The following PDE4DIP variants were observed in gnomAD, a reference collection of about 807,000 sequenced individuals.
PDE4DIP encodes the protein phosphodiesterase 4D interacting protein.
Under a neutral mutation model 221.4 loss-of-function variants are expected in PDE4DIP, and 59 were observed. The ratio of observed to expected loss-of-function variants is 0.27; its 90% CI spans 0.22 to 0.33. PDE4DIP has a LOEUF of 0.33. PDE4DIP is among the 10% of genes least tolerant of loss of function. PDE4DIP has a pLI of 1.00. For synonymous variants in PDE4DIP, 404 were observed against 815.9 expected (o/e 0.50, Z 8.60); for missense variants, 1,036 against 2,154.2 (o/e 0.48, Z 10.28).
At chr1:149,000,354 A>G (rs1575125810) in intron 23 of PDE4DIP, among the ~76,000 whole-genome samples, 1 of 152,308 alleles carries the variant, frequency 6.6e-6, no homozygotes, top group Non-Finnish European at 1.5e-5. Flanking sequence ...CAGGAGTTCG[A>G]GACCAGCCTG....
chr1:149,013,396 C>T (rs1256866212), intron 32 of PDE4DIP, among the ~76,000 whole-genome samples: 1 of 108,962 alleles, frequency 9.2e-6, no homozygotes, highest in Non-Finnish European at 1.9e-5. Context: ...CATCCTCTGA[C>T]TCCCAAAGAT....
intron 1 of PDE4DIP, among the ~76,000 whole-genome samples, chr1:148,926,571 G>C (rs1553465926): frequency 6.9e-6 from 1 of 144,210 alleles, no homozygotes; most frequent in African/African-American, 2.5e-5. Context: ...ACCTGTGTTA[G>C]AAACACTGTC....
chr1:148,985,982 C>T (rs1177784726), intron 21 of PDE4DIP: 1 of 152,102 alleles, frequency 6.6e-6, no homozygotes. Context: ...CAATCTATAA[C>T]CTTTGTAGGC....
At chr1:149,010,469 G>T in exon 31 of PDE4DIP, 1 of 1,613,026 alleles carries the variant, frequency 6.2e-7, no homozygotes, top group African/African-American at 1.3e-5. Flanking sequence ...GAGTCATTCT[G>T]CTGTGTTGTC....
chr1:148,906,941 TG>T (rs1169044535), intron 1 of PDE4DIP, among the ~76,000 whole-genome samples: 1 of 150,314 alleles, frequency 6.7e-6, no homozygotes, highest in East Asian at 1.9e-4. Flanking sequence ...TCCAGCTACT[TG>T]GGAAGCTGAC....
chr1:148,933,022 C>G (rs2489086), intron 4 of PDE4DIP, among the ~76,000 whole-genome samples: 1 of 135,058 alleles, frequency 7.4e-6, no homozygotes, highest in Admixed American at 7.6e-5. Flanking sequence ...CTGTCAGTGA[C>G]TTGATCTAGG....
At chr1:148,964,000 C>T (rs144742140) in intron 9 of PDE4DIP, among the ~76,000 whole-genome samples, 2 of 151,522 alleles carry the variant, frequency 1.3e-5, no homozygotes, top group African/African-American at 2.4e-5. Flanking sequence ...CCTCGTGATC[C>T]GCCCGCCTCA....
chr1:148,963,487 G>A (rs1448168217), intron 9 of PDE4DIP, among the ~76,000 whole-genome samples: 7 of 151,746 alleles, frequency 4.6e-5, no homozygotes, highest in Admixed American at 3.3e-4. Flanking sequence ...TGAAGGGGAT[G>A]TATATATGGG....
exon 19 of PDE4DIP, chr1:148,978,307 A>AGAC (rs782010198): frequency 6.2e-7 from 1 of 1,611,746 alleles, no homozygotes; most frequent in Non-Finnish European, 8.5e-7. Flanking sequence ...TTGATCCTGA[A>AGAC]GACATACCAG....
Position 149,016,296 on chromosome 1 carries a change from C to G in PDE4DIP, c.5267-3C>G, listed in dbSNP as rs2070536281. ...CTTCTTACTAATGTTTCTTTCTGCCCAGGTGCCAGCACTGTTCCTCCTGCT... is the reference window on the plus strand; with the variant it reads ...CTTCTTACTAATGTTTCTTTCTGCCGAGGTGCCAGCACTGTTCCTCCTGCT... On this transcript the variant is annotated splice_polypyrimidine_tract_variant and splice_region_variant and intron_variant, in intron 32 of 43. Coordinates refer to ENST00000369354, the Ensembl canonical transcript of PDE4DIP. The G allele has an allele frequency of 6.2e-7, 1 of 1,613,732 alleles. No homozygotes were observed. Among genetic ancestry groups the G allele is most frequent in the African/African-American group, 1.3e-5 (1 of 74,886 alleles).
chr1:149,013,426 C>T (rs587615811), intron 32 of PDE4DIP, among the ~76,000 whole-genome samples: 47 of 98,426 alleles, frequency 4.8e-4, no homozygotes, highest in Non-Finnish European at 8.8e-4. Context: ...CATGTAGTTA[C>T]GTAGACTGTG....
chr1:148,938,732 A>G (rs2049849733), intron 5 of PDE4DIP, among the ~76,000 whole-genome samples: 1 of 151,342 alleles, frequency 6.6e-6, no homozygotes, highest in Non-Finnish European at 1.5e-5. Flanking sequence ...ACTAGTTGAA[A>G]TGGTGATTAC....
chr1:149,007,147 A>G, intron 27 of PDE4DIP, 54 bp from the exon 31 acceptor site: 1 of 620,074 alleles, frequency 1.6e-6, no homozygotes, highest in Non-Finnish European at 2.9e-6. Flanking sequence ...ATAACTCCAT[A>G]AGTTAGCTTC....
intron 5 of PDE4DIP, among the ~76,000 whole-genome samples, chr1:148,956,315 A>G (rs1454760376): frequency 1.3e-5 from 2 of 151,774 alleles, no homozygotes; most frequent in Non-Finnish European, 2.9e-5. Flanking sequence ...CACTTACCAT[A>G]TTTTATGCAC....
chr1:148,982,724 G>A (rs1448373460), intron 21 of PDE4DIP: 1 of 152,156 alleles, frequency 6.6e-6, no homozygotes, highest in Non-Finnish European at 1.5e-5. Context: ...CAGGGATTGA[G>A]GCTTTCTAGC....
At chr1:148,937,004 A>C (rs1253129167) in intron 4 of PDE4DIP, among the ~76,000 whole-genome samples, 1 of 152,252 alleles carries the variant, frequency 6.6e-6, no homozygotes, top group African/African-American at 2.4e-5. Context: ...TATAGTAAAT[A>C]CATAAACCAG....
chr1:148,861,736 T>C (rs1330052931), intron 1 of PDE4DIP, among the ~76,000 whole-genome samples: 1 of 90,962 alleles, frequency 1.1e-5, no homozygotes, highest in Non-Finnish European at 2.1e-5. Context: ...AAGCTACCTA[T>C]TGAAAGCATC....
intron 41 of PDE4DIP, 34 bp from the exon 45 acceptor site, chr1:149,029,753 G>T (rs782275941): frequency 1.8e-6 from 2 of 1,134,730 alleles, no homozygotes; most frequent in South Asian, 1.3e-5. Context: ...TAGGCCTTCT[G>T]CCTGGTCAGT....
At chr1:149,010,868 T>C (rs1481045830) in intron 31 of PDE4DIP, among the ~76,000 whole-genome samples, 1 of 149,012 alleles carries the variant, frequency 6.7e-6, no homozygotes, top group Non-Finnish European at 1.5e-5. Flanking sequence ...TTTTCTCTCA[T>C]TTTATCCTGG....
Sources: allele counts gnomAD v4.1 joint callset (sites outside exome capture counted in the v4.1 genomes callset), GRCh38; gene constraint gnomAD v4.1.1; transcripts MANE v1.5; gene names NCBI Gene and HGNC (gene_info 2026-07-23, HGNC 2026-07-21).